GRIN2B: variants seen among roughly 807,000 people sequenced by gnomAD.
The protein encoded by GRIN2B is glutamate ionotropic receptor NMDA type subunit 2B.
A neutral mutation model predicts 114.5 loss-of-function variants in GRIN2B; 5 were observed. That is an observed-to-expected ratio of 0.04 (90% CI 0.02 to 0.09). The LOEUF (loss-of-function observed/expected upper bound fraction) is 0.09, where lower values mean the gene tolerates loss of function less well. Among genes scored for constraint, GRIN2B ranks in the 10% least tolerant of loss-of-function variants. The pLI is 1.00. For synonymous variants in GRIN2B, 787 were observed against 745.1 expected, an observed-to-expected ratio of 1.06 and a Z score of -0.92; for missense variants, 1,108 against 1,943.5, an observed-to-expected ratio of 0.57 and a Z score of 8.08.
intron 4 of GRIN2B, among the ~76,000 whole-genome samples, chr12:13,721,030 T>C (rs553973566): frequency 1.1e-4 from 16 of 152,116 alleles, no homozygotes; most frequent in Non-Finnish European, 1.8e-4. Flanking sequence ...TACCGTACAA[T>C]AGATAGTGAC....
chr12:13,858,324 AT>A (rs1865697978), intron 3 of GRIN2B, among the ~76,000 whole-genome samples: 1 of 152,214 alleles, frequency 6.6e-6, no homozygotes, highest in African/African-American at 2.4e-5. Context: ...GTAAAATAGA[AT>A]TATAGCAATA....
intron 3 of GRIN2B, among the ~76,000 whole-genome samples, chr12:13,791,072 T>C (rs1293517710): frequency 6.6e-6 from 1 of 152,170 alleles, no homozygotes; most frequent in Non-Finnish European, 1.5e-5. Context: ...CTTCACCTAA[T>C]TCAGCATAGG....
chr12:13,781,842 G>A (rs191689414), intron 3 of GRIN2B, among the ~76,000 whole-genome samples: 5 of 152,306 alleles, frequency 3.3e-5, no homozygotes, highest in Admixed American at 3.3e-4. Context: ...GGGGTCAGCT[G>A]TCAGGGATTC....
At position 13,541,130 on chromosome 12, in the gene GRIN2B, G is replaced by A. The variant is rs1224806653; in HGVS notation, c.*21653C>T. ...GGCTCCTGTCACGTGGAGGAAAAGAGATTTCCCCTAGGGACAAGAGCTCAC... is the reference window on the plus strand; with the variant it reads ...GGCTCCTGTCACGTGGAGGAAAAGAAATTTCCCCTAGGGACAAGAGCTCAC... On this transcript the variant is annotated 3_prime_UTR_variant, in exon 14 of 14. Coordinates refer to ENST00000609686, the MANE Select transcript of GRIN2B (RefSeq NM_000834.5). 1 of 152,244 alleles carries A rather than the reference G, an allele frequency of 6.6e-6. No homozygotes were observed. The highest frequency in any genetic ancestry group is 1.9e-4 in the East Asian group (1 of 5,198). The allele number at this position is 152,244 out of a possible 1,614,324, so 9.4% of individuals were successfully genotyped here. A position where few individuals can be genotyped will look rare whatever the true frequency, so the allele number is the denominator to read the frequency against.
intron 3 of GRIN2B, among the ~76,000 whole-genome samples, chr12:13,775,427 C>T (rs1214034207): frequency 6.6e-6 from 1 of 152,134 alleles, no homozygotes; most frequent in Non-Finnish European, 1.5e-5. Context: ...ATGCACCTGC[C>T]TCTCCGGGTA....
chr12:13,915,163 A>ACCC (rs1210067828), intron 2 of GRIN2B, among the ~76,000 whole-genome samples: 4 of 152,198 alleles, frequency 2.6e-5, no homozygotes, highest in Non-Finnish European at 5.9e-5. Flanking sequence ...TATCACATAT[A>ACCC]CCCCCAAAAT....
chr12:13,962,719 C>T (rs1016975128), intron 2 of GRIN2B, among the ~76,000 whole-genome samples: 2 of 152,142 alleles, frequency 1.3e-5, no homozygotes, highest in Admixed American at 1.3e-4. Context: ...GGCTGGCAGG[C>T]GGGCGGGCGG....
chr12:13,881,016 G>A (rs867981969), intron 2 of GRIN2B, among the ~76,000 whole-genome samples: 9 of 119,378 alleles, frequency 7.5e-5, no homozygotes, highest in Middle Eastern at 5.2e-3. Context: ...GTGTGTGTGC[G>A]CGTGCGCGCA....
chr12:13,865,721 G>T, intron 3 of GRIN2B, 77 bp downstream of exon 3: 1 of 1,236,610 alleles, frequency 8.1e-7, no homozygotes, highest in Non-Finnish European at 1.2e-6. Flanking sequence ...TAACAATCAA[G>T]TTTTACAGGA....
intron 4 of GRIN2B, chr12:13,683,622 G>C (rs1420812783): frequency 5.7e-5 from 9 of 158,532 alleles, no homozygotes; most frequent in Admixed American, 2.0e-4. Flanking sequence ...CTGGCTAGGC[G>C]GGTGTCCCCT....
intron 5 of GRIN2B, among the ~76,000 whole-genome samples, chr12:13,642,719 T>C (rs1015195151): frequency 6.6e-6 from 1 of 152,174 alleles, no homozygotes; most frequent in Non-Finnish European, 1.5e-5. Flanking sequence ...GAATGCTGGT[T>C]ATGTGTCAGA....
At chr12:13,650,117 T>C (rs2300234) in intron 5 of GRIN2B, among the ~76,000 whole-genome samples, 47,288 of 151,858 alleles carry the variant, frequency 0.31, 8,041 homozygotes, top group Middle Eastern at 0.47. Flanking sequence ...AGAAATCTCT[T>C]TGGCTTGGCA....
chr12:13,774,701 T>C lies in GRIN2B; in HGVS notation c.412-20786A>G, dbSNP rs551450707. Among the ~76,000 whole-genome samples the C allele has an allele frequency of 2.0e-5, 3 of 152,316 alleles. No individual in the cohort carries two copies. In the South Asian group the frequency reaches 6.2e-4, roughly 32 times the overall value. On this transcript the variant is annotated intron_variant, in intron 3 of 13. Coordinates refer to ENST00000609686, the MANE Select transcript of GRIN2B (RefSeq NM_000834.5). ...ACATGTCTGGCAAACAGTTTAGCTT[T>C]ATGTATTTCCTTTTAAACGCATAAC...
At chr12:13,884,823 A>G (rs1243727447) in intron 2 of GRIN2B, among the ~76,000 whole-genome samples, 2 of 152,122 alleles carry the variant, frequency 1.3e-5, no homozygotes, top group African/African-American at 4.8e-5. Context: ...GTATATATAT[A>G]CATATTTTTG....
In GRIN2B at chr12:13,800,625, A is replaced by G. The variant is rs373100373; in HGVS notation, c.412-46710T>C. The stretch of plus-strand genomic sequence containing the variant: ...CATCTCTGAACTCACAAGCACAGAA[A>G]TTATGAGACAAATGAACATGGCATC... On this transcript the variant is annotated intron_variant, in intron 3 of 13. Transcript: ENST00000609686. Among the ~76,000 whole-genome samples the G allele has an allele frequency of 2.5e-4, 38 of 152,322 alleles. No individual in the cohort carries two copies. In the East Asian group the frequency reaches 6.6e-3, roughly 26 times the overall value.
At chr12:13,612,346 A>G (rs573530810) in intron 8 of GRIN2B, among the ~76,000 whole-genome samples, 2 of 152,348 alleles carry the variant, frequency 1.3e-5, no homozygotes, top group Non-Finnish European at 2.9e-5. Flanking sequence ...TGTACAATAA[A>G]TAACCAGCCC....
chr12:13,829,858 TAAAG>T (rs1311885311), intron 3 of GRIN2B, among the ~76,000 whole-genome samples: 1 of 152,160 alleles, frequency 6.6e-6, no homozygotes, highest in East Asian at 1.9e-4. Flanking sequence ...CTCTCTGACT[TAAAG>T]AAAGGACCTG....
chr12:13,649,358 C>G (rs1290479189), intron 5 of GRIN2B, among the ~76,000 whole-genome samples: 1 of 152,004 alleles, frequency 6.6e-6, no homozygotes, highest in East Asian at 1.9e-4. Flanking sequence ...CTTCTTCTTT[C>G]CTTTTAGCAA....
chr12:13,647,636 A>G (rs575241376), intron 5 of GRIN2B, among the ~76,000 whole-genome samples: 82 of 152,112 alleles, frequency 5.4e-4, no homozygotes, highest in Non-Finnish European at 4.4e-5. Context: ...TTACCCCTGA[A>G]AGAGCGGAGA....
Sources: allele counts gnomAD v4.1 joint callset (sites outside exome capture counted in the v4.1 genomes callset), GRCh38; gene constraint gnomAD v4.1.1; transcripts MANE v1.5; gene names NCBI Gene and HGNC (gene_info 2026-07-23, HGNC 2026-07-21).